Variants in ADAMTSL1 observed in about 807,000 individuals in gnomAD.
ADAMTSL1 encodes ADAMTS-like protein 1.
Under a neutral mutation model 201.8 loss-of-function variants are expected in ADAMTSL1, and 126 were observed. The ratio of observed to expected loss-of-function variants is 0.62; its 90% CI spans 0.54 to 0.72. ADAMTSL1 has a LOEUF of 0.72. ADAMTSL1 is among the 30% of genes least tolerant of loss of function. ADAMTSL1 has a pLI of 0.00. For missense variants in ADAMTSL1, 2,679 were observed against 2,277.8 expected (o/e 1.18, Z -3.59); for synonymous variants, 1,121 against 903.4 (o/e 1.24, Z -4.32).
At chr9:18,554,752 T>C (rs968221211) in intron 3 of ADAMTSL1, among the ~76,000 whole-genome samples, 8 of 151,030 alleles carry the variant, frequency 5.3e-5, no homozygotes, top group Admixed American at 4.0e-4. Context: ...CACAGCAAAA[T>C]TGAGCAGAAA....
intron 2 of ADAMTSL1, among the ~76,000 whole-genome samples, chr9:18,389,955 G>C (rs1301588595): frequency 2.6e-5 from 4 of 152,036 alleles, no homozygotes. Context: ...CCTATAGCTT[G>C]CATTGTTCCA....
chr9:18,908,765 G>A lies in ADAMTSL1; in HGVS notation c.*217G>A, dbSNP rs1830451672. The A allele has an allele frequency of 4.0e-6, 2 of 505,108 alleles. No homozygotes were observed. Among genetic ancestry groups the A allele is most frequent in the African/African-American group, 2.0e-5 (1 of 51,184 alleles). The allele number at this position is 505,108 out of a possible 1,614,324, so 31.3% of individuals were successfully genotyped here. On this transcript the variant is annotated 3_prime_UTR_variant, in exon 29 of 29. Coordinates refer to ENST00000380548, the MANE Select transcript of ADAMTSL1 (RefSeq NM_001040272.6). ...AGGACAGGATGTTGGGAAAGGAAAG[G>A]ACAGATGTCTAAAGGAGGTTGCAGA...
chr9:18,265,152 G>T (rs1303695525), intron 2 of ADAMTSL1, among the ~76,000 whole-genome samples: 1 of 152,108 alleles, frequency 6.6e-6, no homozygotes, highest in Non-Finnish European at 1.5e-5. Context: ...AACTCAGTTT[G>T]AGAAACACTG....
At chr9:18,536,400 C>T (rs2132125318) in intron 3 of ADAMTSL1, among the ~76,000 whole-genome samples, 1 of 151,254 alleles carries the variant, frequency 6.6e-6, no homozygotes, top group African/African-American at 2.4e-5. Context: ...AGTTCGTATT[C>T]CCCAGGGTAA....
chr9:18,052,885 C>G (rs1465892223), intron 1 of ADAMTSL1, among the ~76,000 whole-genome samples: 1 of 152,010 alleles, frequency 6.6e-6, no homozygotes, highest in Admixed American at 6.6e-5. Context: ...AGTAAAATCA[C>G]CTTTACAGCT....
intron 1 of ADAMTSL1, among the ~76,000 whole-genome samples, chr9:18,149,772 G>C (rs1246439875): frequency 3.3e-5 from 5 of 152,052 alleles, no homozygotes; most frequent in Non-Finnish European, 7.4e-5. Context: ...TAGAAACAGA[G>C]AGACTATCAA....
chr9:18,610,307 G>A (rs150551927), intron 4 of ADAMTSL1, among the ~76,000 whole-genome samples: 94 of 152,134 alleles, frequency 6.2e-4, no homozygotes, highest in East Asian at 5.8e-3. Context: ...GGCTTTTTCC[G>A]CTGGGAAAGA....
At chr9:18,208,148 C>T (rs1829730714) in intron 2 of ADAMTSL1, among the ~76,000 whole-genome samples, 1 of 152,098 alleles carries the variant, frequency 6.6e-6, no homozygotes. Flanking sequence ...TATCTTACAT[C>T]TAGTAGGTGC....
At chr9:18,875,093 T>C (rs1588285775) in intron 23 of ADAMTSL1, among the ~76,000 whole-genome samples, 1 of 152,280 alleles carries the variant, frequency 6.6e-6, no homozygotes, top group East Asian at 1.9e-4. Flanking sequence ...TTTGTATTTC[T>C]GTGGTATCAT....
At chr9:18,477,882 G>A (rs1821532891) in intron 1 of ADAMTSL1, among the ~76,000 whole-genome samples, 1 of 152,144 alleles carries the variant, frequency 6.6e-6, no homozygotes, top group African/African-American at 2.4e-5. Context: ...CTTCATATAA[G>A]TTGAGGGAAG....
intron 26 of ADAMTSL1, among the ~76,000 whole-genome samples, chr9:18,899,438 A>G (rs1263741000): frequency 1.3e-5 from 2 of 152,136 alleles, no homozygotes; most frequent in African/African-American, 2.4e-5. Context: ...ACAGAATTAG[A>G]AAAAACTATT....
intron 4 of ADAMTSL1, among the ~76,000 whole-genome samples, chr9:18,620,876 T>C (rs577209879): frequency 1.4e-4 from 22 of 152,298 alleles, no homozygotes; most frequent in Admixed American, 1.2e-3. Context: ...TTGCTATTAA[T>C]GAAAAAACAT....
intron 19 of ADAMTSL1, among the ~76,000 whole-genome samples, chr9:18,779,573 C>T (rs1225900469): frequency 6.6e-6 from 1 of 152,202 alleles, no homozygotes; most frequent in African/African-American, 2.4e-5. Context: ...GGCAGCATGC[C>T]CCAGAGCTTG....
chr9:18,775,999 A>G (rs951092553), intron 18 of ADAMTSL1, 103 bp downstream of exon 18: 3 of 1,430,566 alleles, frequency 2.1e-6, no homozygotes, highest in African/African-American at 2.9e-5. Flanking sequence ...TGTGGGAAAT[A>G]GTGGGACAGT....
intron 9 of ADAMTSL1, 39 bp from the exon 10 acceptor site, chr9:18,675,818 A>G (rs1252852481): frequency 6.3e-7 from 1 of 1,586,192 alleles, no homozygotes; most frequent in Non-Finnish European, 8.6e-7. Context: ...TATTGTGTGT[A>G]CCTTCTACTC....
At chr9:18,289,469 T>C (rs1425872676) in intron 2 of ADAMTSL1, among the ~76,000 whole-genome samples, 1 of 152,174 alleles carries the variant, frequency 6.6e-6, no homozygotes, top group Non-Finnish European at 1.5e-5. Context: ...CTTGAGATAA[T>C]GCAATGATAC....
intron 2 of ADAMTSL1, among the ~76,000 whole-genome samples, chr9:18,409,058 T>C (rs571870322): frequency 6.6e-6 from 1 of 152,132 alleles, no homozygotes; most frequent in South Asian, 2.1e-4. Context: ...TTATTGATCA[T>C]GTAATCTGTG....
intron 2 of ADAMTSL1, among the ~76,000 whole-genome samples, chr9:18,180,006 A>G (rs1828380783): frequency 6.6e-6 from 1 of 152,110 alleles, no homozygotes; most frequent in Non-Finnish European, 1.5e-5. Flanking sequence ...TAATGACAGG[A>G]TCAAATTCAC....
At chr9:18,183,506 G>T (rs1828591862) in intron 2 of ADAMTSL1, among the ~76,000 whole-genome samples, 1 of 152,098 alleles carries the variant, frequency 6.6e-6, no homozygotes, top group Admixed American at 6.5e-5. Context: ...AAAATATACT[G>T]AACTTAAAAC....
Sources: gnomAD v4.1 joint callset for allele counts (sites outside exome capture counted in the v4.1 genomes callset) on GRCh38, gnomAD v4.1.1 for gene constraint, MANE v1.5 for transcripts, NCBI Gene and HGNC (gene_info 2026-07-23, HGNC 2026-07-21) for gene names.